The following KCNA3 variants were observed in gnomAD, a reference collection of about 807,000 sequenced individuals.
The protein encoded by KCNA3 is RP11-284N8.3.
Under a neutral mutation model 34.3 loss-of-function variants are expected in KCNA3, and 18 were observed. That is an observed-to-expected ratio of 0.52 (90% CI 0.36 to 0.78). The LOEUF is 0.78. Among genes scored for constraint, KCNA3 ranks in the 30% least tolerant of loss-of-function variants. The pLI, the probability that KCNA3 is intolerant of heterozygous loss-of-function variation, is 0.00. For synonymous variants in KCNA3, 324 were observed against 351.7 expected (o/e 0.92, Z 0.88); for missense variants, 587 against 802.5 (o/e 0.73, Z 3.24).
At chr1:110,663,839 C>T in the KCNA3 span, among the ~76,000 whole-genome samples, 1 of 152,190 alleles carries the variant, frequency 6.6e-6, no homozygotes, top group African/African-American at 2.4e-5. Flanking sequence ...TCTGCTCTTA[C>T]TTTTCATTAA....
the KCNA3 span, among the ~76,000 whole-genome samples, chr1:110,662,408 G>A: frequency 2.6e-5 from 4 of 152,108 alleles, no homozygotes; most frequent in African/African-American, 9.7e-5. Flanking sequence ...TTACTTAACT[G>A]TTAGTCTCAT....
chr1:110,660,187 T>C, the KCNA3 span, among the ~76,000 whole-genome samples: 3 of 152,216 alleles, frequency 2.0e-5, no homozygotes, highest in Non-Finnish European at 2.9e-5. Context: ...TGTCTAAATG[T>C]ATTAACTACA....
At chr1:110,668,088 C>T (rs945803699), downstream of KCNA3, among the ~76,000 whole-genome samples, 3 of 152,082 alleles carry the variant, frequency 2.0e-5, no homozygotes, top group African/African-American at 7.2e-5. Context: ...TGCCCCCAAA[C>T]CCATACGGAA....
downstream of KCNA3, among the ~76,000 whole-genome samples, chr1:110,671,600 G>A (rs1162998465): frequency 2.6e-5 from 4 of 152,022 alleles, no homozygotes; most frequent in Admixed American, 6.6e-5. Flanking sequence ...AGTTTTAAAC[G>A]TGCATCCTTT....
In KCNA3 at chr1:110,674,340, T is replaced by A. The variant is rs1652001612; in HGVS notation, c.470A>T (p.Asp157Val). The A allele has an allele frequency of 6.2e-7, 1 of 1,614,024 alleles. No homozygotes were observed. The highest frequency in any genetic ancestry group is 8.5e-7 in the Non-Finnish European group (1 of 1,179,986). The change falls in exon 1 of 1, where the codon GAC (aspartate) becomes GTC (valine). Residue 157 changes from aspartate to valine, a missense_variant. By Grantham distance (152) the Asp-to-Val change is radical (BLOSUM62 -3). This residue lies in a region of KCNA3 where 341 missense variants were observed against 355.4 expected (regional missense o/e 0.96). Transcript: ENST00000369769. The surrounding 1 kb of genome is among the most constrained non-coding windows in gnomAD (Gnocchi z 6.4). ...YFFDRNRPSF[D>V]AILYYYQSGG... Reference sequence around the variant, plus strand: ...GGACTGATAGTAGTAGAGGATGGCGTCGAAGCTGGGCCGGTTGCGGTCGAA... The same window carrying A: ...GGACTGATAGTAGTAGAGGATGGCGACGAAGCTGGGCCGGTTGCGGTCGAA...
At chr1:110,664,068 T>C in the KCNA3 span, among the ~76,000 whole-genome samples, 2 of 152,210 alleles carry the variant, frequency 1.3e-5, no homozygotes, top group Admixed American at 6.5e-5. Flanking sequence ...TCAGCTTCCA[T>C]AGTAATGAAG....
the KCNA3 span, among the ~76,000 whole-genome samples, chr1:110,667,238 C>A: frequency 2.0e-5 from 3 of 152,086 alleles, no homozygotes; most frequent in African/African-American, 4.8e-5. Context: ...AATGAAATAA[C>A]AGTGCTGTCT....
At chr1:110,657,045 C>CTTTTTTT in the KCNA3 span, 4 of 121,798 alleles carry the variant, frequency 3.3e-5, no homozygotes, top group Non-Finnish European at 3.4e-5. Context: ...CTTAAGTTTT[C>CTTTTTTT]TTTTTTTTTT....
At chr1:110,661,064 C>T in the KCNA3 span, among the ~76,000 whole-genome samples, 1,360 of 152,238 alleles carry the variant, frequency 8.9e-3, 21 homozygotes, top group African/African-American at 0.031. Flanking sequence ...ATAAACCCAG[C>T]TATAAACCCA....
At chr1:110,672,091 G>T (rs1430622846), downstream of KCNA3, among the ~76,000 whole-genome samples, 8 of 152,192 alleles carry the variant, frequency 5.3e-5, no homozygotes. Flanking sequence ...GAACCATCTG[G>T]AAAGGTTACT....
chr1:110,657,175 T>C, the KCNA3 span: 1 of 152,140 alleles, frequency 6.6e-6, no homozygotes, highest in East Asian at 1.9e-4. Flanking sequence ...GCCTCAGCAG[T>C]AGCTGGGACT....
chr1:110,655,635 T>C, the KCNA3 span: 3 of 152,202 alleles, frequency 2.0e-5, no homozygotes, highest in Non-Finnish European at 4.4e-5. Context: ...ATGTTTTAAC[T>C]AATTGCTCCA....
chr1:110,658,093 G>T, the KCNA3 span, among the ~76,000 whole-genome samples: 1 of 152,274 alleles, frequency 6.6e-6, no homozygotes, highest in East Asian at 1.9e-4. Context: ...TTGACACAAA[G>T]AAATTACCAG....
the KCNA3 span, among the ~76,000 whole-genome samples, chr1:110,665,035 T>G: frequency 2.0e-5 from 3 of 152,016 alleles, no homozygotes; most frequent in Admixed American, 6.6e-5. Flanking sequence ...GGAGAGGAGT[T>G]GGAAATTAGG....
the KCNA3 span, chr1:110,654,927 T>C: frequency 6.6e-6 from 1 of 152,118 alleles, no homozygotes; most frequent in African/African-American, 2.4e-5. Context: ...ATATAAAGAT[T>C]TTCAATGCTA....
At chr1:110,669,817 G>C (rs1032196260), downstream of KCNA3, among the ~76,000 whole-genome samples, 1 of 152,142 alleles carries the variant, frequency 6.6e-6, no homozygotes, top group Admixed American at 6.5e-5. Context: ...CTTAATAAAT[G>C]GTAATTATTA....
the KCNA3 span, among the ~76,000 whole-genome samples, chr1:110,665,511 GAGA>G: frequency 1.3e-5 from 2 of 152,120 alleles, no homozygotes; most frequent in African/African-American, 4.8e-5. Flanking sequence ...CTAGAGAGGG[GAGA>G]AGGACGGAAG....
chr1:110,665,711 C>T, the KCNA3 span, among the ~76,000 whole-genome samples: 1 of 152,060 alleles, frequency 6.6e-6, no homozygotes, highest in Non-Finnish European at 1.5e-5. Flanking sequence ...TGAGAAAGAA[C>T]CAGTAAATAA....
In KCNA3 at chr1:110,674,520, C is replaced by A; in HGVS notation, c.290G>T (p.Gly97Val). ...GCGCTCCCCGCAGCAGTCCTGCTCG[C>A]CCGCGGCCGGCAGTGAGGGCGGCAG... ...EPLPPSLPAAGEQDCCGERVV... is the reference protein window; with the variant it reads ...EPLPPSLPAAVEQDCCGERVV... Residue 97 changes from glycine (G) to valine (V), a missense_variant, in exon 1 of 1, where the codon GGC (glycine) becomes GTC (valine). Coordinates refer to ENST00000369769, the MANE Select transcript of KCNA3 (RefSeq NM_002232.5). The surrounding 1 kb of genome is among the most constrained non-coding windows in gnomAD (Gnocchi z 6.4). 1.2e-6 allele frequency: 2 copies of A among 1,611,348 alleles called. No individual in the cohort carries two copies. Among genetic ancestry groups the A allele is most frequent in the Non-Finnish European group, 1.7e-6 (2 of 1,178,984 alleles).
Sources: gnomAD v4.1 joint callset for allele counts (sites outside exome capture counted in the v4.1 genomes callset) on GRCh38, gnomAD v4.1.1 for gene constraint, gnomAD v4.1.1 regional missense constraint, Gnocchi (gnomAD v3.1) non-coding constraint, MANE v1.5 for transcripts, NCBI Gene and HGNC (gene_info 2026-07-23, HGNC 2026-07-21) for gene names.